KDM1A: variants seen among roughly 807,000 people sequenced by gnomAD.
The protein encoded by KDM1A is lysine demethylase 1A.
A neutral mutation model predicts 109.4 loss-of-function variants in KDM1A; 49 were observed. The ratio of observed to expected loss-of-function variants is 0.45; its 90% CI spans 0.36 to 0.57. The LOEUF (loss-of-function observed/expected upper bound fraction) is 0.57, where lower values mean the gene tolerates loss of function less well. Among genes scored for constraint, KDM1A ranks in the 20% least tolerant of loss-of-function variants. KDM1A has a pLI of 0.00. For synonymous variants in KDM1A, 380 were observed against 415.4 expected, an observed-to-expected ratio of 0.91 and a Z score of 1.04; for missense variants, 668 against 1,116.6, an observed-to-expected ratio of 0.60 and a Z score of 5.73.
At position 23,073,327 on chromosome 1, in the gene KDM1A, TTGA is replaced by T; in HGVS notation, c.1660_1662del (p.Asp554del). 1 of 1,610,486 alleles carries T rather than the reference TTGA, an allele frequency of 6.2e-7. No individual in the cohort carries two copies. Among genetic ancestry groups the T allele is most frequent in the Non-Finnish European group, 8.5e-7 (1 of 1,177,094 alleles). On this transcript the variant is annotated inframe_deletion, in exon 15 of 21. Coordinates refer to ENST00000400181, the MANE Select transcript of KDM1A (RefSeq NM_001009999.3). Reference sequence around the variant, plus strand: ...CTCTCATCAAGAGACAGACAAATACTTGATTGGCATTTTGCAAATCTTGAATTT... The same window carrying T: ...CTCTCATCAAGAGACAGACAAATACTTTGGCATTTTGCAAATCTTGAATTT...
At chr1:23,052,035 T>TA (rs1473394752) in intron 4 of KDM1A, among the ~76,000 whole-genome samples, 1 of 152,220 alleles carries the variant, frequency 6.6e-6, no homozygotes, top group Non-Finnish European at 1.5e-5. Context: ...GATTTTTTTT[T>TA]AGACAAAATT....
rs554045641 is a variant in KDM1A at position 23,075,659 on chromosome 1, T to C, written c.1735-1569T>C. Among the ~76,000 whole-genome samples, 25 of 151,620 alleles carry C rather than the reference T, an allele frequency of 1.6e-4. No homozygotes were observed. In the South Asian group the frequency reaches 5.2e-3, roughly 32 times the overall value. On this transcript the variant is annotated intron_variant, in intron 15 of 20. Coordinates refer to ENST00000400181, the MANE Select transcript of KDM1A (RefSeq NM_001009999.3). ...TATACATTTTCCTAATAAAAATTATTTTGACAGGCTGGGCATGGTGGCTCA... is the reference window on the plus strand; with the variant it reads ...TATACATTTTCCTAATAAAAATTATCTTGACAGGCTGGGCATGGTGGCTCA...
At chr1:23,042,751 C>CTAT (rs1468343113) in intron 2 of KDM1A, among the ~76,000 whole-genome samples, 3 of 141,742 alleles carry the variant, frequency 2.1e-5, no homozygotes, top group African/African-American at 8.0e-5. Context: ...CGCGCCCGGC[C>CTAT]TATTATTATT....
chr1:23,073,030 A>G (rs1256698546), intron 14 of KDM1A, among the ~76,000 whole-genome samples: 2 of 152,136 alleles, frequency 1.3e-5, no homozygotes, highest in Non-Finnish European at 2.9e-5. Context: ...GTGATTTCAT[A>G]TGAAGCATTC....
chr1:23,042,440 A>ATTATTATTATTTTTTTTTTTTTTTTT (rs1553127465), intron 2 of KDM1A, among the ~76,000 whole-genome samples: 4 of 21,558 alleles, frequency 1.9e-4, no homozygotes, highest in Non-Finnish European at 3.6e-4. Flanking sequence ...GAAATATATT[A>ATTATTATTATTTTTTTTTTTTTTTTT]TTTTTTTTTT....
At chr1:23,075,916 C>G (rs1414278462) in intron 15 of KDM1A, among the ~76,000 whole-genome samples, 2 of 152,174 alleles carry the variant, frequency 1.3e-5, no homozygotes, top group African/African-American at 2.4e-5. Flanking sequence ...CACTGCACTG[C>G]AGCCTGGGCA....
At chr1:23,076,878 T>C (rs766692227) in intron 15 of KDM1A, among the ~76,000 whole-genome samples, 13 of 150,802 alleles carry the variant, frequency 8.6e-5, no homozygotes, top group Non-Finnish European at 1.5e-4. Context: ...GGCAAGAGAA[T>C]CACTTGAACC....
intron 1 of KDM1A, among the ~76,000 whole-genome samples, chr1:23,022,333 TTTTTG>T (rs1181117394): frequency 1.1e-5 from 1 of 90,030 alleles, no homozygotes; most frequent in Non-Finnish European, 2.6e-5. Flanking sequence ...CGTTTTTTTT[TTTTTG>T]TTGTTGTTGT....
intron 3 of KDM1A, among the ~76,000 whole-genome samples, chr1:23,045,181 A>C (rs1407280285): frequency 6.6e-6 from 1 of 152,224 alleles, no homozygotes; most frequent in Non-Finnish European, 1.5e-5. Flanking sequence ...TCTGGATTTC[A>C]TCCTTTGTCT....
intron 6 of KDM1A, among the ~76,000 whole-genome samples, 155 bp from the exon 7 acceptor site, chr1:23,055,777 A>G (rs1000886836): frequency 1.3e-5 from 2 of 152,156 alleles, no homozygotes; most frequent in African/African-American, 4.8e-5. Flanking sequence ...TTGTTAATTT[A>G]TTTTCAGGTA....
intron 2 of KDM1A, among the ~76,000 whole-genome samples, chr1:23,037,127 T>TACACACAC (rs779305833): frequency 1.8e-5 from 2 of 113,010 alleles, no homozygotes; most frequent in African/African-American, 6.2e-5. Context: ...AAAAAATATA[T>TACACACAC]ATACACACAC....
Position 23,054,090 on chromosome 1 carries a change from G to T in KDM1A, c.790+251G>T, listed in dbSNP as rs115314718. Reference sequence around the variant, plus strand: ...GTACTCTTCCTAGACCTGTTGTCCAGCTTTGATCCATGGAATACTTCGGCG... The same window carrying T: ...GTACTCTTCCTAGACCTGTTGTCCATCTTTGATCCATGGAATACTTCGGCG... On this transcript the variant is annotated intron_variant, in intron 5 of 20. Coordinates refer to ENST00000400181, the MANE Select transcript of KDM1A (RefSeq NM_001009999.3). Among the ~76,000 whole-genome samples the T allele has an allele frequency of 2.1e-3, 321 of 152,238 alleles. 5 individuals are homozygous for T. The highest frequency in any genetic ancestry group is 7.2e-3 in the African/African-American group (300 of 41,530).
chr1:23,068,934 C>A, intron 11 of KDM1A, 127 bp from the exon 12 acceptor site: 2 of 659,400 alleles, frequency 3.0e-6, no homozygotes, highest in Non-Finnish European at 5.0e-6. Flanking sequence ...TCCAACTAGC[C>A]AACTTTCTTG....
At chr1:23,080,603 G>C (rs1459841046) in intron 18 of KDM1A, among the ~76,000 whole-genome samples, 1 of 152,062 alleles carries the variant, frequency 6.6e-6, no homozygotes. Flanking sequence ...TCCATCCCCA[G>C]ATTCCAGGCA....
Position 23,083,263 on chromosome 1 carries a change from C to T in KDM1A, c.2530C>T (p.Arg844Ter). The T allele has an allele frequency of 7.4e-6, 12 of 1,613,868 alleles. No individual in the cohort carries two copies. The highest frequency in any genetic ancestry group is 1.0e-5 in the Non-Finnish European group (12 of 1,179,966). The change falls in exon 21 of 21, where the codon CGA (arginine) becomes TGA (stop). Residue 844 changes from arginine to a stop codon, truncating the protein, a stop_gained. Transcript: ENST00000400181. LOFTEE classifies it high-confidence loss of function. ...GCATGGTGCTCTGCTGAGTGGGCTG[C>T]GAGAAGCGGGAAGAATTGCAGACCA... ...TVHGALLSGL[R>*]EAGRIADQFL...
At chr1:23,073,246 C>A (rs762510183) in intron 14 of KDM1A, 46 bp from the exon 15 acceptor site, 2 of 991,366 alleles carry the variant, frequency 2.0e-6, no homozygotes, top group African/African-American at 3.2e-5. Flanking sequence ...ACTGAGAGAA[C>A]TAGTGATATC....
intron 1 of KDM1A, 144 bp downstream of exon 1, chr1:23,020,091 C>T: frequency 5.7e-6 from 5 of 880,578 alleles, no homozygotes; most frequent in Middle Eastern, 3.7e-4. Context: ...CACGTCCCCT[C>T]TAGCTGGACG....
intron 1 of KDM1A, among the ~76,000 whole-genome samples, chr1:23,029,744 A>C (rs1454557478): frequency 2.0e-5 from 3 of 152,072 alleles, no homozygotes; most frequent in Non-Finnish European, 2.9e-5. Flanking sequence ...GGTTCAAGCG[A>C]TTCTCCTGCC....
chr1:23,078,680 A>C (rs142582339), intron 16 of KDM1A, among the ~76,000 whole-genome samples: 1 of 152,322 alleles, frequency 6.6e-6, no homozygotes, highest in Admixed American at 6.5e-5. Context: ...AAATGTACTT[A>C]ACTTGAGTAA....
Sources: allele counts gnomAD v4.1 joint callset (sites outside exome capture counted in the v4.1 genomes callset), GRCh38; gene constraint gnomAD v4.1.1; transcripts MANE v1.5; gene names NCBI Gene and HGNC (gene_info 2026-07-23, HGNC 2026-07-21).